Variants in DLG5 observed in about 807,000 individuals in gnomAD.
The protein encoded by DLG5 is discs large MAGUK scaffold protein 5.
A neutral mutation model predicts 189.8 loss-of-function variants in DLG5; 48 were observed. That is an observed-to-expected ratio of 0.25 (90% CI 0.20 to 0.32). The LOEUF is 0.32. Among genes scored for constraint, DLG5 ranks in the 10% least tolerant of loss-of-function variants. The pLI is 1.00. For synonymous variants in DLG5, 1,016 were observed against 1,054.1 expected, an observed-to-expected ratio of 0.96 and a Z score of 0.70; for missense variants, 2,160 against 2,544.7, an observed-to-expected ratio of 0.85 and a Z score of 3.25.
At chr10:77,800,401 C>T (rs1841137964) in intron 27 of DLG5, among the ~76,000 whole-genome samples, 3 of 152,186 alleles carry the variant, frequency 2.0e-5, no homozygotes, top group Non-Finnish European at 4.4e-5. Flanking sequence ...GCCTTTCCCC[C>T]TTCAGAGCAA....
At position 77,830,132 on chromosome 10, in the gene DLG5, T is replaced by C; in HGVS notation, c.2009+85A>G. 2.6e-6 allele frequency: 4 copies of C among 1,561,738 alleles called. No individual in the cohort carries two copies. In the South Asian group the frequency reaches 4.7e-5, roughly 18 times the overall value. ...AGTCTAAGGCTGGGAAACGTTCACCTAAGTGCTACCTGGCTCTCTTCGGGT... is the reference window on the plus strand; with the variant it reads ...AGTCTAAGGCTGGGAAACGTTCACCCAAGTGCTACCTGGCTCTCTTCGGGT... On this transcript the variant is annotated intron_variant, in intron 11 of 31. Coordinates refer to ENST00000372391, the MANE Select transcript of DLG5 (RefSeq NM_004747.4).
intron 5 of DLG5, 47 bp downstream of exon 5, chr10:77,853,307 T>G: frequency 7.1e-7 from 1 of 1,417,050 alleles, no homozygotes; most frequent in African/African-American, 1.4e-5. Flanking sequence ...TTAAAAGGAA[T>G]GAGGACTACT....
chr10:77,795,628 C>G (rs945243557), intron 29 of DLG5, among the ~76,000 whole-genome samples: 1 of 152,074 alleles, frequency 6.6e-6, no homozygotes, highest in African/African-American at 2.4e-5. Flanking sequence ...CTAGGATGTT[C>G]GAAGGCACCG....
chr10:77,803,438 A>C (rs1257433682), intron 27 of DLG5, among the ~76,000 whole-genome samples: 1 of 152,252 alleles, frequency 6.6e-6, no homozygotes, highest in Non-Finnish European at 1.5e-5. Flanking sequence ...GCTGCTTATA[A>C]GGGATATTTA....
chr10:77,914,634 G>GC (rs1032675585), intron 1 of DLG5, among the ~76,000 whole-genome samples: 1 of 152,052 alleles, frequency 6.6e-6, no homozygotes, highest in Admixed American at 6.5e-5. Context: ...CACCAAGAAT[G>GC]CCCCCTGGGT....
chr10:77,814,503 A>ATATC (rs1841953650), intron 20 of DLG5, among the ~76,000 whole-genome samples: 1 of 115,754 alleles, frequency 8.6e-6, no homozygotes, highest in Non-Finnish European at 1.8e-5. Flanking sequence ...ATATATATAT[A>ATATC]TATCCAAAGG....
At chr10:77,937,978 G>A in the DLG5 span, among the ~76,000 whole-genome samples, 6 of 146,246 alleles carry the variant, frequency 4.1e-5, no homozygotes, top group Non-Finnish European at 7.5e-5. Context: ...TCAGCCTCCC[G>A]AAGTGCTGGG....
At chr10:77,864,800 A>G (rs144880812) in intron 2 of DLG5, among the ~76,000 whole-genome samples, 1 of 152,136 alleles carries the variant, frequency 6.6e-6, no homozygotes, top group Non-Finnish European at 1.5e-5. Context: ...TAAGGGGGAC[A>G]CCCCTCTTAG....
At chr10:77,852,111 AC>A (rs1211089064) in intron 5 of DLG5, among the ~76,000 whole-genome samples, 4 of 152,066 alleles carry the variant, frequency 2.6e-5, no homozygotes, top group Non-Finnish European at 5.9e-5. Flanking sequence ...GATGACTCAC[AC>A]CTGTAATCCC....
intron 27 of DLG5, among the ~76,000 whole-genome samples, chr10:77,804,295 A>C (rs1841365530): frequency 6.6e-6 from 1 of 152,246 alleles, no homozygotes; most frequent in South Asian, 2.1e-4. Context: ...AGACTTTTTT[A>C]CATCTTACAT....
chr10:77,829,747 A>T (rs561081803), intron 11 of DLG5, among the ~76,000 whole-genome samples: 4 of 152,254 alleles, frequency 2.6e-5, no homozygotes, highest in Non-Finnish European at 4.4e-5. Flanking sequence ...TACTAGTTGT[A>T]TGACCTAGCC....
intron 1 of DLG5, among the ~76,000 whole-genome samples, chr10:77,908,423 C>G (rs1212955051): frequency 6.6e-6 from 1 of 152,144 alleles, no homozygotes; most frequent in Non-Finnish European, 1.5e-5. Context: ...CCAACCCAAC[C>G]CATTCCCCTC....
At chr10:77,823,823 C>A (rs976198421) in intron 14 of DLG5, among the ~76,000 whole-genome samples, 1 of 152,128 alleles carries the variant, frequency 6.6e-6, no homozygotes, top group African/African-American at 2.4e-5. Flanking sequence ...TTGCACCCAG[C>A]TTCTTCCTTT....
intron 2 of DLG5, among the ~76,000 whole-genome samples, chr10:77,865,758 G>A (rs1481748524): frequency 6.6e-6 from 1 of 152,150 alleles, no homozygotes; most frequent in African/African-American, 2.4e-5. Flanking sequence ...GGGAAGCTGT[G>A]TGTGCTTAGC....
At chr10:77,856,999 G>T in intron 2 of DLG5, 107 bp from the exon 3 acceptor site, 1 of 1,058,440 alleles carries the variant, frequency 9.4e-7, no homozygotes, top group Non-Finnish European at 1.4e-6. Flanking sequence ...GACCCAACAA[G>T]TGGGTCCTCT....
rs181191928 is a variant in DLG5, at chr10:77,894,887, C to T, written c.305-25690G>A. 1.3e-3 allele frequency among the ~76,000 whole-genome samples: 204 copies of T among 152,310 alleles called. 2 individuals carry two copies. Among genetic ancestry groups the T allele is most frequent in the Middle Eastern group, 6.8e-3 (2 of 294 alleles). On this transcript the variant is annotated intron_variant, in intron 1 of 31. Transcript: ENST00000372391. ...CACTATCCACTCCAGAGGTCTTGTA[C>T]CGGTCTCTGTTCCAGGGGCAAGGGG...
At chr10:77,939,681 C>T in the DLG5 span, among the ~76,000 whole-genome samples, 8 of 152,176 alleles carry the variant, frequency 5.3e-5, no homozygotes, top group Non-Finnish European at 5.9e-5. Context: ...TGTGTAGAAG[C>T]AGCAGCTGGA....
intron 10 of DLG5, 63 bp downstream of exon 10, chr10:77,830,678 C>G: frequency 6.3e-7 from 1 of 1,587,452 alleles, no homozygotes; most frequent in Non-Finnish European, 8.6e-7. Flanking sequence ...ATACTGCAAG[C>G]GGGTCACCGT....
At position 77,793,864 on chromosome 10, in the gene DLG5, C is replaced by T. The variant is rs920557220; in HGVS notation, c.5656+144G>A. On this transcript the variant is annotated intron_variant, in intron 31 of 31. Transcript: ENST00000372391. The stretch of plus-strand genomic sequence containing the variant: ...TTGGCCAGGGACTGCAATCTGAACA[C>T]CTGACTTGTCAGGAACGTGCTCATG... 4 of 690,992 alleles carry T rather than the reference C, an allele frequency of 5.8e-6. No individual in the cohort carries two copies. In the African/African-American group the frequency reaches 7.1e-5, roughly 12 times the overall value. 42.8% of individuals were successfully genotyped at this position (690,992 alleles called of 1,614,324 possible). A position where few individuals can be genotyped will look rare whatever the true frequency, so the allele number is the denominator to read the frequency against.
Sources: allele counts gnomAD v4.1 joint callset (sites outside exome capture counted in the v4.1 genomes callset), GRCh38; gene constraint gnomAD v4.1.1; transcripts MANE v1.5; gene names NCBI Gene and HGNC (gene_info 2026-07-23, HGNC 2026-07-21).